The following COPS4 variants were observed in gnomAD, a reference collection of about 807,000 sequenced individuals.
The protein encoded by COPS4 is COP9 signalosome subunit 4.
In COPS4, 8 loss-of-function variants were observed where a neutral mutation model predicts 55.1. That is an observed-to-expected ratio of 0.15 (90% CI 0.09 to 0.26). COPS4 has a LOEUF of 0.26. Among genes scored for constraint, COPS4 ranks in the 10% least tolerant of loss-of-function variants. The probability of loss-of-function intolerance (pLI) is 1.00; values close to 1 mark genes in which losing one functional copy is unlikely to be tolerated. For missense variants in COPS4, 248 were observed against 484.0 expected (o/e 0.51, Z 4.58); for synonymous variants, 185 against 165.7 (o/e 1.12, Z -0.90).
chr4:83,075,506 T>C lies in COPS4; in HGVS notation c.*76T>C. 6.5e-7 allele frequency: 1 copy of C among 1,537,642 alleles called. No individual in the cohort carries two copies. Among genetic ancestry groups the C allele is most frequent in the Non-Finnish European group, 8.9e-7 (1 of 1,120,508 alleles). On this transcript the variant is annotated 3_prime_UTR_variant, in exon 10 of 10. Transcript: ENST00000264389. ...TCAGTTTCACTATCTCCAAAGCATT[T>C]GCATCATGACCTTATACATTTCAAT... is the stretch of plus-strand genomic sequence containing the variant.
At chr4:83,038,710 C>T (rs894477471) in intron 1 of COPS4, among the ~76,000 whole-genome samples, 2 of 152,056 alleles carry the variant, frequency 1.3e-5, no homozygotes, top group African/African-American at 4.8e-5. Context: ...GGCGCGATCT[C>T]GGCTCACTGC....
intron 9 of COPS4, among the ~76,000 whole-genome samples, chr4:83,071,764 T>G (rs900742759): frequency 6.6e-6 from 1 of 151,462 alleles, no homozygotes; most frequent in Admixed American, 6.6e-5. Flanking sequence ...CAGACTGGAG[T>G]GCAGTGGCGC....
At chr4:83,050,043 A>G (rs550582534) in intron 4 of COPS4, 59 bp downstream of exon 4, 5 of 1,023,852 alleles carry the variant, frequency 4.9e-6, no homozygotes, top group East Asian at 2.5e-5. Flanking sequence ...TTGCTCACTT[A>G]TATTTTTTCT....
In COPS4 at chr4:83,066,571, A is replaced by G. The variant is rs533889773; in HGVS notation, c.1002+18A>G. ...CAGCTAAGGTATCTTCTTGATTCCAATACATTTAAAAAAAAGTTAAGAGAT... is the reference window on the plus strand; with the variant it reads ...CAGCTAAGGTATCTTCTTGATTCCAGTACATTTAAAAAAAAGTTAAGAGAT... On this transcript the variant is annotated intron_variant, in intron 8 of 9. Coordinates refer to ENST00000264389, the MANE Select transcript of COPS4 (RefSeq NM_016129.3). 97 of 1,206,914 alleles carry G rather than the reference A, an allele frequency of 8.0e-5. No homozygotes were observed. The South Asian group carries it at 9.7e-4, about 12-fold the overall frequency. 74.8% of individuals were successfully genotyped at this position (1,206,914 alleles called of 1,614,324 possible).
chr4:83,075,446 C>T lies in COPS4; in HGVS notation c.*16C>T. 1 of 1,613,696 alleles carries T rather than the reference C, an allele frequency of 6.2e-7. No homozygotes were observed. The highest frequency in any genetic ancestry group is 8.5e-7 in the Non-Finnish European group (1 of 1,179,832). On this transcript the variant is annotated 3_prime_UTR_variant, in exon 10 of 10. Coordinates refer to ENST00000264389, the MANE Select transcript of COPS4 (RefSeq NM_016129.3). ...GGCTCAGTGAATCCTTGCAGAACTT[C>T]TGTGCACATGACATCTTTTTCCATG...
chr4:83,053,201 A>G (rs1730926034), intron 4 of COPS4, among the ~76,000 whole-genome samples: 1 of 151,988 alleles, frequency 6.6e-6, no homozygotes, highest in Non-Finnish European at 1.5e-5. Flanking sequence ...ACACACTAAG[A>G]CCCCATCTCT....
At chr4:83,046,800 G>T (rs1730731230) in intron 2 of COPS4, among the ~76,000 whole-genome samples, 1 of 152,102 alleles carries the variant, frequency 6.6e-6, no homozygotes, top group South Asian at 2.1e-4. Context: ...TGACTAGAAC[G>T]TATAGGTACA....
intron 1 of COPS4, among the ~76,000 whole-genome samples, chr4:83,037,035 A>G (rs564423084): frequency 2.6e-5 from 4 of 152,326 alleles, no homozygotes; most frequent in East Asian, 3.9e-4. Flanking sequence ...TCAGGATTCT[A>G]TGGGTTGACT....
intron 4 of COPS4, among the ~76,000 whole-genome samples, chr4:83,051,488 G>A (rs1730888433): frequency 6.6e-6 from 1 of 152,136 alleles, no homozygotes. Flanking sequence ...TTGAATTCTA[G>A]ATATGTTTTT....
chr4:83,035,285 G>T lies in COPS4; in HGVS notation c.61G>T (p.Asp21Tyr), dbSNP rs777798814. The stretch of plus-strand genomic sequence containing the variant: ...CATGAATTCGAGCGGCTCTCATAAA[G>T]ATCTGGCTGGCAAGTGAGTATTTCC... Reference protein sequence around the residue: ...QLMNSSGSHKDLAGKYRQILE... With the variant: ...QLMNSSGSHKYLAGKYRQILE... Residue 21 changes from aspartate (D) to tyrosine (Y), a missense_variant, in exon 1 of 10, where the codon GAT (aspartate) becomes TAT (tyrosine). Asp to Tyr is a radical substitution (Grantham distance 160). Transcript: ENST00000264389. 6.4e-7 allele frequency: 1 copy of T among 1,562,922 alleles called. No individual in the cohort carries two copies. The highest frequency in any genetic ancestry group is 8.7e-7 in the Non-Finnish European group (1 of 1,147,426).
At chr4:83,056,876 T>G in intron 4 of COPS4, 50 bp from the exon 5 acceptor site, 1 of 1,441,798 alleles carries the variant, frequency 6.9e-7, no homozygotes, top group Non-Finnish European at 9.5e-7. Flanking sequence ...ATTCCTAAAA[T>G]TTTCTTGACA....
intron 4 of COPS4, among the ~76,000 whole-genome samples, chr4:83,056,016 C>A (rs1731004300): frequency 6.6e-6 from 1 of 151,318 alleles, no homozygotes; most frequent in African/African-American, 2.4e-5. Context: ...GCAACCTGTG[C>A]CTCCTGGGTT....
intron 6 of COPS4, among the ~76,000 whole-genome samples, chr4:83,061,675 G>A (rs1334401666): frequency 6.6e-6 from 1 of 150,440 alleles, no homozygotes; most frequent in Non-Finnish European, 1.5e-5. Context: ...TACTCTTTTT[G>A]ATGTTTAAAT....
At chr4:83,064,030 T>C (rs540572159) in intron 7 of COPS4, among the ~76,000 whole-genome samples, 1 of 152,260 alleles carries the variant, frequency 6.6e-6, no homozygotes, top group African/African-American at 2.4e-5. Context: ...TATACTGCTG[T>C]ACTACTTAAA....
At chr4:83,073,353 G>A in intron 9 of COPS4, 1 of 644,856 alleles carries the variant, frequency 1.6e-6, no homozygotes, top group Non-Finnish European at 2.9e-6. Context: ...TGTCATGGCA[G>A]GTAATCAGTG....
At chr4:83,035,902 A>G (rs1730404145) in intron 1 of COPS4, 1 of 154,828 alleles carries the variant, frequency 6.5e-6, no homozygotes, top group Non-Finnish European at 1.4e-5. Flanking sequence ...GTGGGTCAGG[A>G]TGTCTACAGT....
At chr4:83,044,248 C>T (rs1392140927) in intron 1 of COPS4, among the ~76,000 whole-genome samples, 1 of 149,882 alleles carries the variant, frequency 6.7e-6, no homozygotes, top group East Asian at 2.0e-4. Context: ...AGTTCAAGAC[C>T]AGCCTGGCCA....
intron 1 of COPS4, among the ~76,000 whole-genome samples, chr4:83,037,754 A>C (rs991626714): frequency 6.6e-6 from 1 of 152,208 alleles, no homozygotes; most frequent in South Asian, 2.1e-4. Flanking sequence ...AATGGAATAC[A>C]TTGTTTCTAA....
chr4:83,048,490 T>C (rs1290349493), intron 2 of COPS4, among the ~76,000 whole-genome samples: 2 of 152,222 alleles, frequency 1.3e-5, no homozygotes, highest in Admixed American at 1.3e-4. Context: ...AGGTAGGATA[T>C]AAGCACATAA....
Sources: gnomAD v4.1 joint callset for allele counts (sites outside exome capture counted in the v4.1 genomes callset) on GRCh38, gnomAD v4.1.1 for gene constraint, MANE v1.5 for transcripts, NCBI Gene and HGNC (gene_info 2026-07-23, HGNC 2026-07-21) for gene names.